NRXN1: variants seen among roughly 807,000 people sequenced by gnomAD.
NRXN1 encodes the protein neurexin 1, also known as neurexin-1.
NRXN1 carries 39 observed loss-of-function variants against 150.9 expected under a neutral mutation model. That is an observed-to-expected ratio of 0.26 (90% CI 0.20 to 0.34). NRXN1 has a LOEUF of 0.34. Among genes scored for constraint, NRXN1 ranks in the 10% least tolerant of loss-of-function variants. The pLI, the probability that NRXN1 is intolerant of heterozygous loss-of-function variation, is 1.00. For missense variants in NRXN1, 1,815 were observed against 1,949.9 expected (o/e 0.93, Z 1.30); for synonymous variants, 924 against 757.0 (o/e 1.22, Z -3.62).
chr2:50,383,085 G>T (rs1305232253), intron 17 of NRXN1, among the ~76,000 whole-genome samples: 1 of 152,108 alleles, frequency 6.6e-6, no homozygotes, highest in Non-Finnish European at 1.5e-5. Flanking sequence ...CTTATGATCT[G>T]ATTCTTTCAG....
intron 19 of NRXN1, among the ~76,000 whole-genome samples, chr2:50,070,470 A>C (rs1047407408): frequency 6.6e-6 from 1 of 152,028 alleles, no homozygotes; most frequent in Non-Finnish European, 1.5e-5. Context: ...TCAGGGGCTG[A>C]CTTAAAAACC....
intron 19 of NRXN1, among the ~76,000 whole-genome samples, chr2:50,079,079 A>G (rs1377237): frequency 0.34 from 51,891 of 151,598 alleles, 10,071 homozygotes; most frequent in African/African-American, 0.51. Context: ...CTATTTATCT[A>G]TCTGTATATC....
At chr2:50,188,284 A>G (rs1169154733) in intron 18 of NRXN1, among the ~76,000 whole-genome samples, 1 of 152,170 alleles carries the variant, frequency 6.6e-6, no homozygotes, top group Non-Finnish European at 1.5e-5. Context: ...AGGATTCCCT[A>G]TTTAGTAAAT....
chr2:50,274,947 T>G (rs1426945372), intron 17 of NRXN1, among the ~76,000 whole-genome samples: 1 of 152,206 alleles, frequency 6.6e-6, no homozygotes, highest in Admixed American at 6.5e-5. Flanking sequence ...AAGTGTGGCA[T>G]GTGTTACAAA....
chr2:50,319,379 C>T (rs1368884231), intron 17 of NRXN1, among the ~76,000 whole-genome samples: 1 of 152,014 alleles, frequency 6.6e-6, no homozygotes, highest in Non-Finnish European at 1.5e-5. Flanking sequence ...ATAGCCATTG[C>T]CTTGAAATAT....
intron 18 of NRXN1, among the ~76,000 whole-genome samples, chr2:50,187,680 G>T (rs2061174881): frequency 6.6e-6 from 1 of 152,124 alleles, no homozygotes; most frequent in South Asian, 2.1e-4. Flanking sequence ...ACATTACCTT[G>T]GGCAGTATGG....
At chr2:50,244,068 T>C (rs2066281878) in intron 17 of NRXN1, among the ~76,000 whole-genome samples, 1 of 151,924 alleles carries the variant, frequency 6.6e-6, no homozygotes, top group Admixed American at 6.6e-5. Context: ...GTTTTTCTAA[T>C]AAATGTTCTA....
At chr2:50,872,473 A>G (rs1330317104) in intron 5 of NRXN1, among the ~76,000 whole-genome samples, 1 of 151,722 alleles carries the variant, frequency 6.6e-6, no homozygotes, top group Non-Finnish European at 1.5e-5. Context: ...CATACCTTGG[A>G]GGTGGTAGAA....
chr2:50,691,405 A>G (rs925004617), intron 5 of NRXN1, among the ~76,000 whole-genome samples: 1 of 152,204 alleles, frequency 6.6e-6, no homozygotes, highest in Non-Finnish European at 1.5e-5. Flanking sequence ...CTCATAAGAC[A>G]TTTTGATAGC....
rs1483337628 is a variant in NRXN1, at chr2:50,202,779, A to C, written c.3546+34010T>G. ...TTATAGTAAAACAAAATACAACATC[A>C]TTGGTAGCAAGTGAGAGAGGAGGGT... On this transcript the variant is annotated intron_variant, in intron 18 of 22. Coordinates refer to ENST00000401669, the MANE Select transcript of NRXN1 (RefSeq NM_001330078.2). 3.9e-5 allele frequency among the ~76,000 whole-genome samples: 6 copies of C among 152,282 alleles called. No individual in the cohort carries two copies. In the East Asian group the frequency reaches 7.7e-4, roughly 20 times the overall value.
At chr2:50,031,808 AG>A (rs1207742397) in intron 21 of NRXN1, among the ~76,000 whole-genome samples, 1 of 152,040 alleles carries the variant, frequency 6.6e-6, no homozygotes, top group East Asian at 1.9e-4. Context: ...TTTAGTAAGA[AG>A]TATTGGAAGA....
chr2:50,699,876 C>T (rs1693479796), intron 5 of NRXN1, among the ~76,000 whole-genome samples: 3 of 152,102 alleles, frequency 2.0e-5, no homozygotes, highest in African/African-American at 7.2e-5. Context: ...TAATAAAGCA[C>T]TCATGGCATG....
intron 3 of NRXN1, among the ~76,000 whole-genome samples, chr2:50,923,094 A>G (rs1411004105): frequency 6.6e-6 from 1 of 151,876 alleles, no homozygotes; most frequent in East Asian, 1.9e-4. Context: ...AATGGAATAC[A>G]TGAAACATGG....
intron 5 of NRXN1, among the ~76,000 whole-genome samples, chr2:50,771,603 C>T (rs1411473781): frequency 6.6e-6 from 1 of 151,950 alleles, no homozygotes; most frequent in Non-Finnish European, 1.5e-5. Context: ...TTGAATAGTA[C>T]ATTAGAATAG....
intron 8 of NRXN1, among the ~76,000 whole-genome samples, chr2:50,601,906 C>T (rs544924149): frequency 2.0e-5 from 3 of 152,182 alleles, no homozygotes; most frequent in South Asian, 2.1e-4. Flanking sequence ...AGAACTGTCA[C>T]GTATTTGATC....
chr2:50,192,614 G>A (rs1053514878), intron 18 of NRXN1, among the ~76,000 whole-genome samples: 107 of 151,596 alleles, frequency 7.1e-4, no homozygotes, highest in African/African-American at 2.5e-3. Context: ...TTTTTTTGGG[G>A]GGGGCGGTGG....
intron 18 of NRXN1, among the ~76,000 whole-genome samples, chr2:50,216,383 T>A (rs2152850841): frequency 6.6e-6 from 1 of 152,092 alleles, no homozygotes; most frequent in East Asian, 1.9e-4. Context: ...AGAAGAAGGG[T>A]TCAATTTAAG....
At chr2:50,672,786 T>C (rs1361949028) in intron 5 of NRXN1, among the ~76,000 whole-genome samples, 1 of 152,066 alleles carries the variant, frequency 6.6e-6, no homozygotes, top group African/African-American at 2.4e-5. Flanking sequence ...ATATTTTAAA[T>C]GGCAACATTC....
In NRXN1 at chr2:50,622,976, A is replaced by T. The variant is rs541692688; in HGVS notation, c.1134+338T>A. ...ACCCCAATGTGCATGCTTCCAAATG[A>T]TCACCATGAAAACTACAATTTAAAA... is the stretch of plus-strand genomic sequence containing the variant. On this transcript the variant is annotated intron_variant, in intron 6 of 22. Transcript: ENST00000401669. Among the ~76,000 whole-genome samples, 5 of 152,286 alleles carry T rather than the reference A, an allele frequency of 3.3e-5. No homozygotes were observed. In the East Asian group the frequency reaches 5.8e-4, roughly 18 times the overall value.
Sources: gnomAD v4.1 joint callset for allele counts (sites outside exome capture counted in the v4.1 genomes callset) on GRCh38, gnomAD v4.1.1 for gene constraint, MANE v1.5 for transcripts, NCBI Gene and HGNC (gene_info 2026-07-23, HGNC 2026-07-21) for gene names.